Variants in KSR1 observed in about 807,000 individuals in gnomAD.
KSR1 encodes kinase suppressor of ras.
Under a neutral mutation model 92.9 loss-of-function variants are expected in KSR1, and 35 were observed. That is an observed-to-expected ratio of 0.38 (90% CI 0.29 to 0.50). The LOEUF is 0.50. Among genes scored for constraint, KSR1 ranks in the 20% least tolerant of loss-of-function variants. The pLI is 0.94. For synonymous variants in KSR1, 467 were observed against 472.6 expected, an observed-to-expected ratio of 0.99 and a Z score of 0.15; for missense variants, 972 against 1,158.5, an observed-to-expected ratio of 0.84 and a Z score of 2.34.
At chr17:27,482,685 T>C (rs2068544728) in intron 1 of KSR1, among the ~76,000 whole-genome samples, 1 of 152,204 alleles carries the variant, frequency 6.6e-6, no homozygotes, top group Non-Finnish European at 1.5e-5. Context: ...ACATTTGCTA[T>C]AAAGAATTAC....
At chr17:27,609,133 C>T in intron 15 of KSR1, 63 bp from the exon 16 acceptor site, 1 of 1,544,064 alleles carries the variant, frequency 6.5e-7, no homozygotes, top group South Asian at 1.2e-5. Flanking sequence ...GGTAAATCAT[C>T]CAGCCCAGGG....
chr17:27,492,113 G>A (rs184785115), intron 1 of KSR1, among the ~76,000 whole-genome samples: 31 of 152,320 alleles, frequency 2.0e-4, no homozygotes, highest in African/African-American at 7.2e-4. Context: ...TTAGTTGCAC[G>A]TTGGGAGGTG....
rs1772630600 is a variant in KSR1, at chr17:27,456,657, C to G, written c.14C>G (p.Ala5Gly). 6 of 640,214 alleles carry G rather than the reference C, an allele frequency of 9.4e-6. No homozygotes were observed. The highest frequency in any genetic ancestry group is 5.7e-5 in the African/African-American group (3 of 52,280). The allele number at this position is 640,214 out of a possible 1,614,324, so 39.7% of individuals were successfully genotyped here. A position where few individuals can be genotyped will look rare whatever the true frequency, so the allele number is the denominator to read the frequency against. Reference sequence around the variant, plus strand: ...CGATGCCGAGGCATGGATAGAGCAGCGCTGCGCGCGGCGGCGATGGGAGAG... The same window carrying G: ...CGATGCCGAGGCATGGATAGAGCAGGGCTGCGCGCGGCGGCGATGGGAGAG... MDRA[A>G]LRAAAMGEKK... is the part of the protein sequence containing the mutation. The change falls in exon 1 of 21, where the codon GCG becomes GGG. Residue 5 changes from alanine to glycine, a missense_variant. Transcript: ENST00000644974.
At chr17:27,622,197 C>A (rs949432390) in intron 20 of KSR1, 13 of 540,254 alleles carry the variant, frequency 2.4e-5, no homozygotes, top group Admixed American at 1.7e-4. Flanking sequence ...GCAGTCTGGG[C>A]AGCTTCTAAC....
rs548582781 is a variant in KSR1 at position 27,505,336 on chromosome 17, C to T, written c.232-45232C>T. Among the ~76,000 whole-genome samples, 3 of 152,342 alleles carry T rather than the reference C, an allele frequency of 2.0e-5. No individual in the cohort carries two copies. In the East Asian group the frequency reaches 5.8e-4, roughly 29 times the overall value. ...TGGCCATCCCCCAGGGTCCACAGGC[C>T]TGCGCATGCATGCTTCCTGTGACTC... On this transcript the variant is annotated intron_variant, in intron 1 of 20. Transcript: ENST00000644974.
intron 1 of KSR1, among the ~76,000 whole-genome samples, chr17:27,471,585 C>G (rs908392649): frequency 6.6e-6 from 1 of 152,048 alleles, no homozygotes; most frequent in Non-Finnish European, 1.5e-5. Context: ...GGATGGTTGG[C>G]CTTGGGGTCA....
At chr17:27,532,007 A>G (rs2070558526) in intron 1 of KSR1, among the ~76,000 whole-genome samples, 1 of 151,668 alleles carries the variant, frequency 6.6e-6, no homozygotes, top group Non-Finnish European at 1.5e-5. Context: ...GAACCAGGAG[A>G]CCGTCCTGGC....
Position 27,602,057 on chromosome 17 carries a change from C to T in KSR1, c.1510+656C>T, listed in dbSNP as rs1054755334. The stretch of plus-strand genomic sequence containing the variant: ...GCCCCTAAAGTGCTTGAGATCAGTG[C>T]TTTTTACTGTAACTGAAGGTGATGA... On this transcript the variant is annotated intron_variant, in intron 11 of 20. Coordinates refer to ENST00000644974, the MANE Select transcript of KSR1 (RefSeq NM_001394583.1). 1.8e-5 allele frequency: 14 copies of T among 760,770 alleles called. No homozygotes were observed. The Admixed American group carries it at 3.5e-4, about 19-fold the overall frequency. The allele number at this position is 760,770 out of a possible 1,614,324, so 47.1% of individuals were successfully genotyped here.
chr17:27,490,199 C>T (rs2068780331), intron 1 of KSR1, among the ~76,000 whole-genome samples: 1 of 152,142 alleles, frequency 6.6e-6, no homozygotes, highest in South Asian at 2.1e-4. Context: ...TTGAGAGGAT[C>T]AAATGGGATT....
At chr17:27,510,709 C>G (rs2069568469) in intron 1 of KSR1, among the ~76,000 whole-genome samples, 1 of 152,192 alleles carries the variant, frequency 6.6e-6, no homozygotes, top group Non-Finnish European at 1.5e-5. Context: ...TTCATTTTTC[C>G]AAATGCATGG....
chr17:27,592,685 G>A, intron 9 of KSR1, 59 bp downstream of exon 9: 1 of 1,419,012 alleles, frequency 7.0e-7, no homozygotes, highest in Non-Finnish European at 9.7e-7. Flanking sequence ...TTCCTATAAA[G>A]CACCCCTGCC....
chr17:27,468,109 G>A (rs997372997), intron 1 of KSR1, among the ~76,000 whole-genome samples: 3 of 151,606 alleles, frequency 2.0e-5, no homozygotes, highest in South Asian at 2.1e-4. Flanking sequence ...GAGCCACTGC[G>A]CCCGGCCATA....
At chr17:27,568,430 A>G (rs368854551) in intron 2 of KSR1, among the ~76,000 whole-genome samples, 1 of 152,234 alleles carries the variant, frequency 6.6e-6, no homozygotes, top group Non-Finnish European at 1.5e-5. Context: ...CCCGAGGCCT[A>G]TTTGATAGTC....
At chr17:27,616,725 G>C (rs2074065959) in intron 18 of KSR1, among the ~76,000 whole-genome samples, 1 of 152,170 alleles carries the variant, frequency 6.6e-6, no homozygotes, top group Admixed American at 6.5e-5. Context: ...AAGGCTGCAG[G>C]GCCGTGCTGG....
At chr17:27,602,013 T>C in intron 11 of KSR1, 1 of 1,228,060 alleles carries the variant, frequency 8.1e-7, no homozygotes, top group Admixed American at 2.0e-5. Flanking sequence ...ACTTACTATG[T>C]ACCAACCTTT....
At chr17:27,570,431 A>G (rs1225274051) in intron 2 of KSR1, among the ~76,000 whole-genome samples, 2 of 152,186 alleles carry the variant, frequency 1.3e-5, no homozygotes, top group Non-Finnish European at 2.9e-5. Context: ...GGACATGTGT[A>G]ATAAATGCTT....
chr17:27,541,589 T>C (rs1454451073), intron 1 of KSR1, among the ~76,000 whole-genome samples: 2 of 152,084 alleles, frequency 1.3e-5, no homozygotes, highest in African/African-American at 4.8e-5. Flanking sequence ...GCAAAAGAGG[T>C]AGACCCTGCC....
chr17:27,471,532 G>A (rs1430491079), intron 1 of KSR1, among the ~76,000 whole-genome samples: 1 of 152,152 alleles, frequency 6.6e-6, no homozygotes, highest in African/African-American at 2.4e-5. Flanking sequence ...TGTGGTCAAG[G>A]GCCAGGAGGA....
At position 27,583,028 on chromosome 17, in the gene KSR1, C is replaced by T. The variant is rs763786609; in HGVS notation, c.903C>T (p.Pro301=). The change falls in exon 4 of 21, where the codon CCC becomes CCT. Residue 301 remains proline (P), a synonymous_variant. Transcript: ENST00000644974. ...PPSRKVFQLL[P]SFPTLTRSKS... ...GCCGCAAGGTCTTCCAGCTGCTGCC[C>T]AGCTTCCCCACACTCACCCGGAGCA... 9.3e-6 allele frequency: 15 copies of T among 1,609,804 alleles called. No individual in the cohort carries two copies. The highest frequency in any genetic ancestry group is 9.3e-6 in the Non-Finnish European group (11 of 1,178,504).
Sources: allele counts gnomAD v4.1 joint callset (sites outside exome capture counted in the v4.1 genomes callset), GRCh38; gene constraint gnomAD v4.1.1; transcripts MANE v1.5; gene names NCBI Gene and HGNC (gene_info 2026-07-23, HGNC 2026-07-21).